Variants in KCNMB3 observed in about 807,000 individuals in gnomAD.
KCNMB3 encodes potassium calcium-activated channel subfamily M regulatory beta subunit 3.
A neutral mutation model predicts 11.9 loss-of-function variants in KCNMB3; 18 were observed. The observed-to-expected ratio is 1.51, with a 90% CI of 1.04 to 2.23. KCNMB3 has a LOEUF of 2.23. Among genes scored for constraint, KCNMB3 ranks in the 30% most tolerant of loss-of-function variants. KCNMB3 has a pLI of 0.00. For synonymous variants in KCNMB3, 78 were observed against 119.2 expected (o/e 0.65, Z 2.25); for missense variants, 247 against 329.4 (o/e 0.75, Z 1.94).
downstream of KCNMB3, chr3:179,240,002 T>G: frequency 6.5e-7 from 1 of 1,545,466 alleles, no homozygotes; most frequent in Non-Finnish European, 8.7e-7. Context: ...GCACTTACTG[T>G]TTATGCTCAT....
intron 1 of KCNMB3, among the ~76,000 whole-genome samples, chr3:179,265,915 G>A (rs1726359711): frequency 6.6e-6 from 1 of 152,106 alleles, no homozygotes; most frequent in African/African-American, 2.4e-5. Flanking sequence ...CATTTCCCTG[G>A]GGAGAAAACG....
At chr3:179,246,599 T>TA (rs1473852814) in intron 1 of KCNMB3, among the ~76,000 whole-genome samples, 1 of 152,058 alleles carries the variant, frequency 6.6e-6, no homozygotes, top group East Asian at 1.9e-4. Context: ...AAAGAAAAAA[T>TA]ACTGGGCAAG....
chr3:179,256,512 TAAAAG>T (rs1576961625), upstream of KCNMB3, among the ~76,000 whole-genome samples: 1 of 152,046 alleles, frequency 6.6e-6, no homozygotes, highest in Non-Finnish European at 1.5e-5. Flanking sequence ...CTTGTGGGGT[TAAAAG>T]AAAAGATAAA....
chr3:179,239,856 A>G (rs1162819680), downstream of KCNMB3: 2 of 522,814 alleles, frequency 3.8e-6, no homozygotes, highest in African/African-American at 4.0e-5. Flanking sequence ...TGTCCTTTTA[A>G]TGATGGCCCA....
chr3:179,252,177 TG>T (rs1725869699), upstream of KCNMB3, among the ~76,000 whole-genome samples: 1 of 152,210 alleles, frequency 6.6e-6, no homozygotes, highest in Admixed American at 6.5e-5. Flanking sequence ...GCTGCCCCTG[TG>T]GAAGGTGTGT....
intron 1 of KCNMB3, among the ~76,000 whole-genome samples, chr3:179,247,315 A>T (rs1725673762): frequency 6.6e-6 from 1 of 151,852 alleles, no homozygotes; most frequent in African/African-American, 2.4e-5. Flanking sequence ...TCAAACATTC[A>T]ATCAAATTAC....
chr3:179,244,390 A>T lies in KCNMB3; in HGVS notation c.447+105T>A, dbSNP rs1481941426. 5.8e-6 allele frequency: 5 copies of T among 863,242 alleles called. No homozygotes were observed. The African/African-American group carries it at 8.5e-5, about 15-fold the overall frequency. 53.5% of individuals were successfully genotyped at this position (863,242 alleles called of 1,614,324 possible). A position where few individuals can be genotyped will look rare whatever the true frequency, so the allele number is the denominator to read the frequency against. ...CTATAAAAATGTTCACTCCAAAAAA[A>T]TAGATTTATCCCTAAAGACAGCCCT... On this transcript the variant is annotated intron_variant, in intron 2 of 2. Transcript: ENST00000392685.
chr3:179,243,764 G>C (rs1374295586), intron 2 of KCNMB3, among the ~76,000 whole-genome samples: 3 of 152,166 alleles, frequency 2.0e-5, no homozygotes, highest in African/African-American at 7.2e-5. Context: ...GCCCCACCTG[G>C]ACTTTGGTTC....
chr3:179,240,774 G>A (rs1725435114), downstream of KCNMB3: 1 of 115,904 alleles, frequency 8.6e-6, no homozygotes, highest in Non-Finnish European at 1.8e-5. Context: ...TAGCAGTTTT[G>A]AATTTGTTAG....
upstream of KCNMB3, chr3:179,251,751 G>A (rs998080685): frequency 9.4e-6 from 7 of 744,598 alleles, no homozygotes; most frequent in South Asian, 7.1e-5. Flanking sequence ...TTTTTGAGAC[G>A]GAACCTCGCA....
intron 1 of KCNMB3, chr3:179,261,335 C>CA: frequency 3.4e-6 from 4 of 1,181,984 alleles, no homozygotes; most frequent in Non-Finnish European, 4.2e-6. Flanking sequence ...CGGAGCCCCC[C>CA]CCCGCGGGCC....
chr3:179,256,840 C>T (rs531777765), intron 1 of KCNMB3, among the ~76,000 whole-genome samples: 8 of 152,244 alleles, frequency 5.3e-5, no homozygotes, highest in South Asian at 2.1e-4. Context: ...TACAATAAAA[C>T]TAAATGGAGT....
chr3:179,252,093 G>A (rs1444490763), upstream of KCNMB3, among the ~76,000 whole-genome samples: 1 of 152,082 alleles, frequency 6.6e-6, no homozygotes, highest in Non-Finnish European at 1.5e-5. Flanking sequence ...TCATAAAAAT[G>A]CTGAGTTCTG....
At chr3:179,239,875 T>C (rs1259842641), downstream of KCNMB3, 4 of 594,380 alleles carry the variant, frequency 6.7e-6, no homozygotes, top group Non-Finnish European at 1.2e-5. Context: ...CAGAAAGCAT[T>C]TGACACAGCA....
chr3:179,243,193 G>T lies in KCNMB3; in HGVS notation c.539C>A (p.Thr180Asn). 7.0e-7 allele frequency: 1 copy of T among 1,430,912 alleles called. No individual in the cohort carries two copies. Among genetic ancestry groups the T allele is most frequent in the Non-Finnish European group, 9.7e-7 (1 of 1,032,622 alleles). 88.6% of individuals were successfully genotyped at this position (1,430,912 alleles called of 1,614,324 possible). A position where few individuals can be genotyped will look rare whatever the true frequency, so the allele number is the denominator to read the frequency against. The change falls in exon 3 of 3, where the codon ACC becomes AAC. Residue 180 changes from threonine (T) to asparagine (N), a missense_variant. Physicochemically the swap from Thr to Asn is moderately conservative, Grantham distance 65. Transcript: ENST00000392685. ...IKEFFDHKNG[T>N]PFSCFYSPAS... ...TGGACTGTAGAAGCATGAAAAGGGG[G>T]TTCCATTTTTGTGATCGAAGAATTC... is the stretch of plus-strand genomic sequence containing the variant.
At position 179,250,741 on chromosome 3, in the gene KCNMB3, A is replaced by C. The variant is rs200581491; in HGVS notation, c.248+2T>G. The C allele has an allele frequency of 6.2e-7, 1 of 1,614,154 alleles. No individual in the cohort carries two copies. Among genetic ancestry groups the C allele is most frequent in the Non-Finnish European group, 8.5e-7 (1 of 1,179,988 alleles). ...TCTAGATTTCCTTCCTCTGTTTCTT[A>C]CCTGAGCATAAAAGGCTTTAGAATG... On this transcript the variant is annotated splice_donor_variant, in intron 1 of 2. Coordinates refer to ENST00000392685, the MANE Select transcript of KCNMB3 (RefSeq NM_171830.2). LOFTEE classifies it high-confidence loss of function.
At chr3:179,241,668 TA>T (rs1725462223), downstream of KCNMB3, 1 of 152,244 alleles carries the variant, frequency 6.6e-6, no homozygotes, top group East Asian at 1.9e-4. Context: ...AGATTCGGCT[TA>T]ATCAACCTGG....
intron 1 of KCNMB3, among the ~76,000 whole-genome samples, chr3:179,247,782 A>G (rs1261377552): frequency 1.3e-5 from 2 of 152,162 alleles, no homozygotes; most frequent in African/African-American, 2.4e-5. Flanking sequence ...TGACTTCTAC[A>G]TCTTTCCCCT....
chr3:179,261,190 G>T (rs888050940), intron 1 of KCNMB3: 37 of 1,342,836 alleles, frequency 2.8e-5, no homozygotes, highest in Non-Finnish European at 3.7e-5. Context: ...CCCGTTTTGC[G>T]GCGAGCCGGG....
Sources: gnomAD v4.1 joint callset for allele counts (sites outside exome capture counted in the v4.1 genomes callset) on GRCh38, gnomAD v4.1.1 for gene constraint, MANE v1.5 for transcripts, NCBI Gene and HGNC (gene_info 2026-07-23, HGNC 2026-07-21) for gene names.